The following PCDHGA1 variants were observed in gnomAD, a reference collection of about 807,000 sequenced individuals.
PCDHGA1 encodes the protein protocadherin gamma-A1.
PCDHGA1 carries 32 observed loss-of-function variants against 58.0 expected under a neutral mutation model. The ratio of observed to expected loss-of-function variants is 0.55; its 90% CI spans 0.42 to 0.74. The LOEUF is 0.74. Ranked by LOEUF, PCDHGA1 falls within the 30% of genes least tolerant of loss-of-function variation. PCDHGA1 has a pLI of 0.00. For missense variants in PCDHGA1, 1,205 were observed against 1,182.3 expected (o/e 1.02, Z -0.28); for synonymous variants, 498 against 501.1 (o/e 0.99, Z 0.08).
chr5:141,408,973 T>C (rs754120948), intron 1 of PCDHGA1: 8 of 1,613,718 alleles, frequency 5.0e-6, no homozygotes, highest in South Asian at 1.1e-5. Context: ...ATCTGCCCCC[T>C]GGGTCCCCTG....
rs572282329 is a variant in PCDHGA1 at position 141,388,648 on chromosome 5, T to A, written c.2421+55543T>A. On this transcript the variant is annotated intron_variant, in intron 1 of 3. Coordinates refer to ENST00000517417, the MANE Select transcript of PCDHGA1 (RefSeq NM_018912.3). ...TACAGGGTGAGCCTTTCAGAAAACG[T>A]GTACCCGGGGACCACGGTGCTACAG... is the stretch of plus-strand genomic sequence containing the variant. 5 of 1,613,938 alleles carry A rather than the reference T, an allele frequency of 3.1e-6. No homozygotes were observed. The East Asian group carries it at 8.9e-5, about 29-fold the overall frequency.
rs367836350 is a variant in PCDHGA1, at chr5:141,335,055, T to A, written c.2421+1950T>A. Reference sequence around the variant, plus strand: ...TGTTATTTTTTAAGGTAATCTCTGTTTTCTCTCTGGTAACTATTGAAGACT... The same window carrying A: ...TGTTATTTTTTAAGGTAATCTCTGTATTCTCTCTGGTAACTATTGAAGACT... On this transcript the variant is annotated intron_variant, in intron 1 of 3. Coordinates refer to ENST00000517417, the MANE Select transcript of PCDHGA1 (RefSeq NM_018912.3). 2.0e-5 allele frequency among the ~76,000 whole-genome samples: 3 copies of A among 152,358 alleles called. No individual in the cohort carries two copies. In the East Asian group the frequency reaches 5.8e-4, roughly 29 times the overall value.
intron 1 of PCDHGA1, chr5:141,359,980 T>G: frequency 1.2e-6 from 1 of 851,316 alleles, no homozygotes; most frequent in Non-Finnish European, 1.7e-6. Flanking sequence ...GGGAGCCTCT[T>G]AGAGGGGAAC....
intron 1 of PCDHGA1, among the ~76,000 whole-genome samples, chr5:141,475,341 C>T (rs1306106224): frequency 6.6e-6 from 1 of 152,162 alleles, no homozygotes; most frequent in Non-Finnish European, 1.5e-5. Context: ...CAATGACATC[C>T]AGTTTTAAAA....
At chr5:141,458,075 A>G (rs1301404730) in intron 1 of PCDHGA1, among the ~76,000 whole-genome samples, 2 of 152,234 alleles carry the variant, frequency 1.3e-5, no homozygotes, top group Non-Finnish European at 2.9e-5. Flanking sequence ...GAACAACTAT[A>G]TTGCCGTAAG....
At chr5:141,469,511 G>T (rs2099203340) in intron 1 of PCDHGA1, among the ~76,000 whole-genome samples, 2 of 152,038 alleles carry the variant, frequency 1.3e-5, no homozygotes, top group South Asian at 2.1e-4. Flanking sequence ...GGAGGTGGAG[G>T]TTGCAGTGAG....
chr5:141,448,543 G>C (rs1001667281), intron 1 of PCDHGA1, among the ~76,000 whole-genome samples: 3 of 151,988 alleles, frequency 2.0e-5, no homozygotes, highest in Admixed American at 6.6e-5. Context: ...CATTTCTTAT[G>C]CAAATATGTA....
chr5:141,389,787 G>A, intron 1 of PCDHGA1: 1 of 1,613,328 alleles, frequency 6.2e-7, no homozygotes, highest in Non-Finnish European at 8.5e-7. Flanking sequence ...CGACAGGGAC[G>A]CCGTCCGCCA....
intron 1 of PCDHGA1, chr5:141,409,289 G>A: frequency 1.2e-6 from 2 of 1,613,976 alleles, no homozygotes; most frequent in Middle Eastern, 1.6e-4. Context: ...TTCACCTCCA[G>A]GAATGGTTGT....
At chr5:141,362,446 A>T in intron 1 of PCDHGA1, 1 of 1,613,980 alleles carries the variant, frequency 6.2e-7, no homozygotes, top group Non-Finnish European at 8.5e-7. Flanking sequence ...TCTGAACATA[A>T]CCCCGGAATT....
At chr5:141,352,337 G>A (rs1758984198) in intron 1 of PCDHGA1, 4 of 1,613,934 alleles carry the variant, frequency 2.5e-6, no homozygotes, top group African/African-American at 2.7e-5. Context: ...TGTGGCCTTG[G>A]CCTTGATCTC....
intron 1 of PCDHGA1, among the ~76,000 whole-genome samples, chr5:141,380,119 C>G (rs1776230569): frequency 6.6e-6 from 1 of 151,916 alleles, no homozygotes; most frequent in Non-Finnish European, 1.5e-5. Flanking sequence ...AGGCTGGTCT[C>G]AAACTCCTGA....
At chr5:141,365,866 T>C (rs1335120625) in intron 1 of PCDHGA1, 1 of 1,614,068 alleles carries the variant, frequency 6.2e-7, no homozygotes, top group South Asian at 1.1e-5. Flanking sequence ...CTGACACCGG[T>C]GTCCTGTATG....
chr5:141,357,026 T>A (rs1209829299), intron 1 of PCDHGA1: 1 of 1,613,970 alleles, frequency 6.2e-7, no homozygotes, highest in Non-Finnish European at 8.5e-7. Flanking sequence ...TACAGCCTAC[T>A]CAAGTCCAGC....
rs181480719 is a variant in PCDHGA1, at chr5:141,387,482, G to A, written c.2421+54377G>A. 5.3e-5 allele frequency among the ~76,000 whole-genome samples: 8 copies of A among 152,294 alleles called. No individual in the cohort carries two copies. The East Asian group carries it at 1.5e-3, about 29-fold the overall frequency. On this transcript the variant is annotated intron_variant, in intron 1 of 3. Coordinates refer to ENST00000517417, the MANE Select transcript of PCDHGA1 (RefSeq NM_018912.3). ...AAAAATCCTCAAAGTTGGGATGAAG[G>A]CATTCCTAAGAGTACATTTTTAGAC...
At chr5:141,443,312 C>T (rs1296976995) in intron 1 of PCDHGA1, among the ~76,000 whole-genome samples, 2 of 115,698 alleles carry the variant, frequency 1.7e-5, no homozygotes, top group Non-Finnish European at 3.3e-5. Flanking sequence ...AAAAACCCAT[C>T]TCTACAAAAA....
rs756627468 is a variant in PCDHGA1, at chr5:141,370,720, T to A, written c.2421+37615T>A. On this transcript the variant is annotated intron_variant, in intron 1 of 3. Transcript: ENST00000517417. Reference sequence around the variant, plus strand: ...ACGTGTGTTCTGGAATTTGAAATGGTTGCTGAAAAGCCTTTAAACTTTTTT... The same window carrying A: ...ACGTGTGTTCTGGAATTTGAAATGGATGCTGAAAAGCCTTTAAACTTTTTT... 4.3e-6 allele frequency: 7 copies of A among 1,613,868 alleles called. No homozygotes were observed. The South Asian group carries it at 7.7e-5, about 18-fold the overall frequency.
intron 1 of PCDHGA1, chr5:141,341,771 A>C (rs767024332): frequency 1.9e-5 from 7 of 364,332 alleles, no homozygotes; most frequent in Non-Finnish European, 3.4e-5. Context: ...TGTTTACTCA[A>C]GTCCTTTCTT....
intron 1 of PCDHGA1, chr5:141,389,391 G>A (rs544096177): frequency 1.2e-6 from 2 of 1,613,686 alleles, no homozygotes; most frequent in East Asian, 2.2e-5. Flanking sequence ...GTCATCCTAC[G>A]TGTCCATAAG....
Sources: allele counts gnomAD v4.1 joint callset (sites outside exome capture counted in the v4.1 genomes callset), GRCh38; gene constraint gnomAD v4.1.1; transcripts MANE v1.5; gene names NCBI Gene and HGNC (gene_info 2026-07-23, HGNC 2026-07-21).